ZFYVE9: variants seen among roughly 807,000 people sequenced by gnomAD.
The protein encoded by ZFYVE9 is zinc finger FYVE-type containing 9.
ZFYVE9 carries 43 observed loss-of-function variants against 126.7 expected under a neutral mutation model. The ratio of observed to expected loss-of-function variants is 0.34; its 90% CI spans 0.27 to 0.44. The LOEUF (loss-of-function observed/expected upper bound fraction) is 0.44. ZFYVE9 is among the 20% of genes least tolerant of loss of function. The pLI, the probability that ZFYVE9 is intolerant of heterozygous loss-of-function variation, is 1.00. For synonymous variants in ZFYVE9, 521 were observed against 597.4 expected, an observed-to-expected ratio of 0.87 and a Z score of 1.87; for missense variants, 1,476 against 1,697.0, an observed-to-expected ratio of 0.87 and a Z score of 2.29.
intron 1 of ZFYVE9, among the ~76,000 whole-genome samples, chr1:52,164,314 A>G (rs1190436002): frequency 6.6e-6 from 1 of 152,070 alleles, no homozygotes; most frequent in African/African-American, 2.4e-5. Context: ...CCCAGGTTCA[A>G]GTGATTCTCC....
At chr1:52,285,596 A>G (rs1177637477) in intron 10 of ZFYVE9, among the ~76,000 whole-genome samples, 1 of 152,138 alleles carries the variant, frequency 6.6e-6, no homozygotes, top group Non-Finnish European at 1.5e-5. Flanking sequence ...CTAATGCCTG[A>G]TAATCTGTCA....
chr1:52,319,121 A>C (rs1646214186), intron 13 of ZFYVE9, among the ~76,000 whole-genome samples: 1 of 152,166 alleles, frequency 6.6e-6, no homozygotes, highest in Admixed American at 6.5e-5. Flanking sequence ...AACATCAAAA[A>C]TATGACATAA....
intron 4 of ZFYVE9, among the ~76,000 whole-genome samples, chr1:52,240,358 CCTTAGTTTTATAATCTG>C (rs2124632999): frequency 1.3e-5 from 2 of 152,088 alleles, no homozygotes; most frequent in African/African-American, 4.8e-5. Flanking sequence ...CTTTACTAAG[CCTTAGTTTTATAATCTG>C]TAAAAACAAA....
At chr1:52,245,826 A>G (rs183926958) in intron 4 of ZFYVE9, among the ~76,000 whole-genome samples, 1 of 152,334 alleles carries the variant, frequency 6.6e-6, no homozygotes, top group East Asian at 1.9e-4. Flanking sequence ...GCTCTTTCCC[A>G]TAAATAAAGT....
intron 1 of ZFYVE9, among the ~76,000 whole-genome samples, chr1:52,148,982 T>TG (rs1644330050): frequency 8.7e-6 from 1 of 114,442 alleles, no homozygotes; most frequent in South Asian, 3.1e-4. Context: ...TTTTTTTTTT[T>TG]GAGATAGACT....
chr1:52,233,351 T>A (rs1480346520), intron 3 of ZFYVE9, 75 bp downstream of exon 3: 2 of 1,036,708 alleles, frequency 1.9e-6, no homozygotes, highest in African/African-American at 1.7e-5. Flanking sequence ...ATGTAGTATT[T>A]AAAAAAATAA....
At position 52,254,399 on chromosome 1, in the gene ZFYVE9, A is replaced by G. The variant is rs778532884; in HGVS notation, c.2179-9374A>G. Among the ~76,000 whole-genome samples the G allele has an allele frequency of 1.6e-3, 242 of 148,762 alleles. 1 individual carries two copies. Among genetic ancestry groups the G allele is most frequent in the Non-Finnish European group, 2.9e-3 (193 of 67,284 alleles). On this transcript the variant is annotated intron_variant, in intron 4 of 18. Coordinates refer to ENST00000287727, the MANE Select transcript of ZFYVE9 (RefSeq NM_004799.4). ...TTACTAAAAAAAAAAAAAAAAAGCC[A>G]TATGTGTGGCTGGGCGTGGTGGCTC...
chr1:52,233,283 AT>A lies in ZFYVE9; in HGVS notation c.70+10del. ...GAATTTGAACAAAACGAAGGTGAGAATTTATATTGGTGAATCTGTTTGCCTA... is the reference window on the plus strand; with the variant it reads ...GAATTTGAACAAAACGAAGGTGAGAATTATATTGGTGAATCTGTTTGCCTA... On this transcript the variant is annotated splice_region_variant and intron_variant, in intron 3 of 18. Transcript: ENST00000287727. 6.4e-7 allele frequency: 1 copy of A among 1,572,760 alleles called. No homozygotes were observed. The highest frequency in any genetic ancestry group is 8.7e-7 in the Non-Finnish European group (1 of 1,155,718).
chr1:52,298,466 A>G (rs1446768502), intron 12 of ZFYVE9, among the ~76,000 whole-genome samples: 3 of 151,716 alleles, frequency 2.0e-5, no homozygotes, highest in Non-Finnish European at 4.4e-5. Context: ...TAGGTGTCCA[A>G]ATTCATTTCT....
At chr1:52,221,663 T>A (rs1380981699) in intron 2 of ZFYVE9, among the ~76,000 whole-genome samples, 2 of 152,126 alleles carry the variant, frequency 1.3e-5, no homozygotes, top group Non-Finnish European at 2.9e-5. Context: ...TCAAGGATTT[T>A]TGACAGGAAG....
rs774408846 is a variant in ZFYVE9 at position 52,263,769 on chromosome 1, A to G, written c.2179-4A>G. ...GTGTGTTCTTCCCCCCCCCCCCCCC[A>G]CAGGTTTTCTGTGCTTCCTGCTGTA... On this transcript the variant is annotated splice_polypyrimidine_tract_variant and splice_region_variant and intron_variant, in intron 4 of 18. Transcript: ENST00000287727. 1 of 200,910 alleles carries G rather than the reference A, an allele frequency of 5.0e-6. No individual in the cohort carries two copies. The highest frequency in any genetic ancestry group is 7.2e-5 in the South Asian group (1 of 13,910). 12.4% of individuals were successfully genotyped at this position (200,910 alleles called of 1,614,324 possible).
chr1:52,172,267 C>G (rs1434968037), intron 1 of ZFYVE9, among the ~76,000 whole-genome samples: 1 of 152,082 alleles, frequency 6.6e-6, no homozygotes, highest in Non-Finnish European at 1.5e-5. Context: ...AATCCTTTCC[C>G]CATTGCTTGT....
chr1:52,279,391 A>G (rs1314029513), intron 9 of ZFYVE9, among the ~76,000 whole-genome samples: 2 of 152,216 alleles, frequency 1.3e-5, no homozygotes, highest in South Asian at 2.1e-4. Flanking sequence ...TCAATACATC[A>G]TAAATTGAGA....
At chr1:52,161,475 G>A (rs951936901) in intron 1 of ZFYVE9, among the ~76,000 whole-genome samples, 3 of 152,068 alleles carry the variant, frequency 2.0e-5, no homozygotes, top group African/African-American at 7.2e-5. Flanking sequence ...ATTTTTAGTA[G>A]AGACAGGGTT....
intron 1 of ZFYVE9, among the ~76,000 whole-genome samples, chr1:52,182,803 A>G (rs955383857): frequency 6.6e-6 from 1 of 152,032 alleles, no homozygotes; most frequent in Non-Finnish European, 1.5e-5. Flanking sequence ...TTTTTAAATT[A>G]TAGTATTTCC....
rs58857376 is a variant in ZFYVE9, at chr1:52,272,673, C to CTTTT, written c.2626-1774_2626-1771dup. Among the ~76,000 whole-genome samples, 65 of 121,252 alleles carry CTTTT rather than the reference C, an allele frequency of 5.4e-4. 3 individuals carry two copies. The highest frequency in any genetic ancestry group is 4.0e-3 in the Middle Eastern group (1 of 248). 79.5% of individuals were successfully genotyped at this position (121,252 alleles called of 152,430 possible). A position where few individuals can be genotyped will look rare whatever the true frequency, so the allele number is the denominator to read the frequency against. On this transcript the variant is annotated intron_variant, in intron 7 of 18. Coordinates refer to ENST00000287727, the MANE Select transcript of ZFYVE9 (RefSeq NM_004799.4). ...ATGAAATGAAGCTGCTAGAAATAAT[C>CTTTT]TTTTTTTTTTTTTTTTTTTTGAGTC...
chr1:52,218,498 G>A (rs1645093343), intron 2 of ZFYVE9, among the ~76,000 whole-genome samples: 1 of 152,192 alleles, frequency 6.6e-6, no homozygotes, highest in Non-Finnish European at 1.5e-5. Flanking sequence ...AGTGGCACAT[G>A]ACATGTTTCC....
chr1:52,319,664 G>C (rs1212870657), intron 13 of ZFYVE9, among the ~76,000 whole-genome samples: 1 of 151,558 alleles, frequency 6.6e-6, no homozygotes, highest in Non-Finnish European at 1.5e-5. Flanking sequence ...TTGAGGTACT[G>C]ATCCTGAAAT....
intron 11 of ZFYVE9, among the ~76,000 whole-genome samples, chr1:52,295,597 A>C (rs1645965862): frequency 6.6e-6 from 1 of 152,066 alleles, no homozygotes; most frequent in Admixed American, 6.6e-5. Context: ...TCCTAGGCTC[A>C]GGTGATCCTT....
Sources: gnomAD v4.1 joint callset for allele counts (sites outside exome capture counted in the v4.1 genomes callset) on GRCh38, gnomAD v4.1.1 for gene constraint, MANE v1.5 for transcripts, NCBI Gene and HGNC (gene_info 2026-07-23, HGNC 2026-07-21) for gene names.